Variants in MCMBP observed in about 807,000 individuals in gnomAD.
The protein encoded by MCMBP is mini-chromosome maintenance complex-binding protein.
In MCMBP, 31 loss-of-function variants were observed where a neutral mutation model predicts 81.3. The observed-to-expected ratio is 0.38, with a 90% CI of 0.29 to 0.51. The LOEUF is 0.51. MCMBP is among the 20% of genes least tolerant of loss of function. The pLI is 0.87. For synonymous variants in MCMBP, 267 were observed against 275.9 expected (o/e 0.97, Z 0.32); for missense variants, 645 against 772.1 (o/e 0.84, Z 1.95).
rs910980804 is a variant in MCMBP, at chr10:119,869,644, T to C, written c.58+2883A>G. On this transcript the variant is annotated intron_variant, in intron 1 of 15. Coordinates refer to ENST00000369077, the MANE Select transcript of MCMBP (RefSeq NM_001256378.2). ...AGCTACTCCAGAGGCTGAGGCAGAA[T>C]TGCTTGAACCTGGGAGGAGGAGGTT... Among the ~76,000 whole-genome samples, 3 of 151,844 alleles carry C rather than the reference T, an allele frequency of 2.0e-5. No individual in the cohort carries two copies. The South Asian group carries it at 6.2e-4, about 32-fold the overall frequency.
intron 2 of MCMBP, 94 bp from the exon 3 acceptor site, chr10:119,859,275 T>TACAC (rs34034506): frequency 8.1e-4 from 499 of 615,904 alleles, no homozygotes; most frequent in African/African-American, 6.3e-3. Flanking sequence ...CTCAAACTGT[T>TACAC]ACACACACAC....
At chr10:119,867,012 G>T (rs570238951) in intron 1 of MCMBP, among the ~76,000 whole-genome samples, 3 of 151,870 alleles carry the variant, frequency 2.0e-5, no homozygotes, top group South Asian at 4.2e-4. Flanking sequence ...GTTACTTCAG[G>T]CAGGGCACGG....
intron 1 of MCMBP, among the ~76,000 whole-genome samples, chr10:119,861,533 G>T (rs996335333): frequency 7.2e-5 from 11 of 151,950 alleles, no homozygotes; most frequent in Admixed American, 1.3e-4. Context: ...ACAGTGAATT[G>T]GGTAAAAGAT....
chr10:119,851,752 T>C (rs1473728864), intron 6 of MCMBP, among the ~76,000 whole-genome samples: 1 of 152,192 alleles, frequency 6.6e-6, no homozygotes, highest in Non-Finnish European at 1.5e-5. Context: ...TTAAACACAT[T>C]AAAATATATC....
In MCMBP at chr10:119,832,022, C is replaced by G. The variant is rs774437066; in HGVS notation, c.1786G>C (p.Val596Leu). Residue 596 changes from valine (V) to leucine (L), a missense_variant, in exon 15 of 16, where the codon GTG becomes CTG. Physicochemically the swap from Val to Leu is conservative, Grantham distance 32 (BLOSUM62 1). Transcript: ENST00000369077. ...ACGTGCGCCACTTACCGAGCCACCA[C>G]GAGCAGCTGGTGAAGATCATCAGCA... is the stretch of plus-strand genomic sequence containing the variant. ...ITADDLHQLLVVARCLSLSAG... is the reference protein window; with the variant it reads ...ITADDLHQLLLVARCLSLSAG... 5 of 1,611,342 alleles carry G rather than the reference C, an allele frequency of 3.1e-6. No individual in the cohort carries two copies. In the Admixed American group the frequency reaches 5.1e-5, roughly 16 times the overall value.
rs927500218 is a variant in MCMBP at position 119,829,980 on chromosome 10, A to C, written c.*1494T>G. 6.6e-6 allele frequency: 1 copy of C among 152,666 alleles called. No homozygotes were observed. Among genetic ancestry groups the C allele is most frequent in the Non-Finnish European group, 1.5e-5 (1 of 68,042 alleles). 9.5% of individuals were successfully genotyped at this position (152,666 alleles called of 1,614,324 possible). A position where few individuals can be genotyped will look rare whatever the true frequency, so the allele number is the denominator to read the frequency against. Reference sequence around the variant, plus strand: ...TATTTTATCCTCACAAATCCAGTGAAGCCTTCATTTTATTTCTAAAAGTTT... The same window carrying C: ...TATTTTATCCTCACAAATCCAGTGACGCCTTCATTTTATTTCTAAAAGTTT... On this transcript the variant is annotated 3_prime_UTR_variant, in exon 16 of 16. Transcript: ENST00000369077.
intron 6 of MCMBP, among the ~76,000 whole-genome samples, chr10:119,850,702 T>C (rs1230241257): frequency 2.7e-5 from 4 of 146,188 alleles, no homozygotes; most frequent in South Asian, 2.2e-4. Context: ...TGAGCAGAGA[T>C]TGCACCACTG....
At chr10:119,849,323 T>C (rs1852727702) in intron 7 of MCMBP, 102 bp downstream of exon 7, 2 of 1,235,716 alleles carry the variant, frequency 1.6e-6, no homozygotes, top group South Asian at 1.4e-5. Flanking sequence ...TGATTTGCTA[T>C]AGCTAGCCCA....
intron 8 of MCMBP, among the ~76,000 whole-genome samples, chr10:119,846,191 C>A (rs1355616937): frequency 6.6e-6 from 1 of 152,128 alleles, no homozygotes; most frequent in African/African-American, 2.4e-5. Flanking sequence ...ATGATAACAT[C>A]ATCTCAAAAA....
intron 1 of MCMBP, among the ~76,000 whole-genome samples, chr10:119,866,396 C>A (rs1480147112): frequency 1.3e-5 from 2 of 152,012 alleles, no homozygotes; most frequent in Admixed American, 6.6e-5. Context: ...GAGGCCGAGG[C>A]GTGTGGATCA....
rs1030357803 is a variant in MCMBP, at chr10:119,869,225, C to A, written c.58+3302G>T. Among the ~76,000 whole-genome samples the A allele has an allele frequency of 1.3e-4, 20 of 152,206 alleles. 1 individual carries two copies. The highest frequency in any genetic ancestry group is 2.9e-5 in the Non-Finnish European group (2 of 68,042). ...CTTTGAGAGGCCGAGGCAGGCAGAT[C>A]ACCTGTTCGAGACCAGCCTTGCTAA... On this transcript the variant is annotated intron_variant, in intron 1 of 15. Transcript: ENST00000369077.
In MCMBP at chr10:119,859,810, C is replaced by T; in HGVS notation, c.133G>A (p.Ala45Thr). ...YFKEKLKENN[A>T]PKWVPSLNEV... ...AGCAATAAGCTTACCCACTTAGGAG[C>T]ATTATTTTCCTTCAGCTTTTCCTTA... The change falls in exon 2 of 16, where the codon GCT becomes ACT. Residue 45 changes from alanine (A) to threonine (T), a missense_variant. Transcript: ENST00000369077. The T allele has an allele frequency of 6.2e-7, 1 of 1,612,222 alleles. No homozygotes were observed. The highest frequency in any genetic ancestry group is 8.5e-7 in the Non-Finnish European group (1 of 1,178,604).
At position 119,840,915 on chromosome 10, in the gene MCMBP, G is replaced by A. The variant is rs1852408055; in HGVS notation, c.1170C>T (p.Asn390=). The change falls in exon 11 of 16, where the codon AAC becomes AAT. Residue 390 remains asparagine, a synonymous_variant. Transcript: ENST00000369077. ...DVLPLGKFTV[N]LSGCPRNSTF... ...TACTATTCCGTGGGCAACCACTCAA[G>A]TTAACTGTAAATTTTCCTAGTGGAA... 1.9e-6 allele frequency: 3 copies of A among 1,610,914 alleles called. No homozygotes were observed. Among genetic ancestry groups the A allele is most frequent in the African/African-American group, 1.3e-5 (1 of 74,978 alleles).
intron 8 of MCMBP, among the ~76,000 whole-genome samples, chr10:119,845,492 C>T (rs554439536): frequency 2.5e-4 from 38 of 152,152 alleles, no homozygotes; most frequent in African/African-American, 8.9e-4. Context: ...AAAATGTATA[C>T]GTATCTTCAT....
intron 1 of MCMBP, among the ~76,000 whole-genome samples, chr10:119,867,676 G>C (rs957022576): frequency 6.6e-6 from 1 of 152,208 alleles, no homozygotes; most frequent in African/African-American, 2.4e-5. Context: ...AGTAGAGAAA[G>C]AGAAAGTGTG....
intron 6 of MCMBP, among the ~76,000 whole-genome samples, chr10:119,851,681 G>A (rs1181036065): frequency 2.0e-5 from 3 of 152,076 alleles, no homozygotes; most frequent in Admixed American, 2.0e-4. Context: ...ATATTCTGGG[G>A]ATCGGTGGAG....
At chr10:119,850,980 C>A (rs1011933309) in intron 6 of MCMBP, among the ~76,000 whole-genome samples, 2 of 148,016 alleles carry the variant, frequency 1.4e-5, no homozygotes, top group African/African-American at 5.0e-5. Flanking sequence ...TCAAGCAATT[C>A]TCCTGCCTCA....
At chr10:119,838,481 C>A (rs562566543) in intron 12 of MCMBP, 54 bp downstream of exon 12, 1 of 1,537,772 alleles carries the variant, frequency 6.5e-7, no homozygotes, top group East Asian at 2.3e-5. Flanking sequence ...ATTCCTAGAT[C>A]TGGCTTTAGT....
intron 1 of MCMBP, 75 bp from the exon 2 acceptor site, chr10:119,859,959 A>T: frequency 8.9e-7 from 1 of 1,117,512 alleles, no homozygotes; most frequent in Non-Finnish European, 1.3e-6. Context: ...GGTGAGTCAC[A>T]CAATAGTTTA....
Sources: gnomAD v4.1 joint callset for allele counts (sites outside exome capture counted in the v4.1 genomes callset) on GRCh38, gnomAD v4.1.1 for gene constraint, MANE v1.5 for transcripts, NCBI Gene and HGNC (gene_info 2026-07-23, HGNC 2026-07-21) for gene names.